Variants in KIAA1217 observed in about 807,000 individuals in gnomAD.
The protein encoded by KIAA1217 is sickle tail protein homolog.
A neutral mutation model predicts 163.9 loss-of-function variants in KIAA1217; 88 were observed. The observed-to-expected ratio is 0.54, with a 90% CI of 0.45 to 0.64. KIAA1217 has a LOEUF of 0.64. KIAA1217 is among the 30% of genes least tolerant of loss of function. KIAA1217 has a pLI of 0.00. For missense variants in KIAA1217, 2,372 were observed against 2,475.0 expected (o/e 0.96, Z 0.88); for synonymous variants, 903 against 923.1 (o/e 0.98, Z 0.39).
chr10:24,178,205 G>A (rs1376449701), intron 2 of KIAA1217, among the ~76,000 whole-genome samples: 58 of 152,148 alleles, frequency 3.8e-4, no homozygotes, highest in Non-Finnish European at 4.4e-5. Flanking sequence ...TAGGGATTTA[G>A]GAAAAGAAGA....
In KIAA1217 at chr10:24,119,884, G is replaced by A. The variant is rs896045931; in HGVS notation, c.-170-99742G>A. ...GATCTGTGCTTCCTACACATCCCAG[G>A]TCCCCTAAGTCACAAAAGCCATCAC... On this transcript the variant is annotated intron_variant, in intron 2 of 18. Transcript: ENST00000376462. Among the ~76,000 whole-genome samples, 7 of 152,102 alleles carry A rather than the reference G, an allele frequency of 4.6e-5. No individual in the cohort carries two copies. The East Asian group carries it at 1.2e-3, about 25-fold the overall frequency.
intron 1 of KIAA1217, among the ~76,000 whole-genome samples, chr10:23,945,086 A>C (rs981895293): frequency 6.6e-6 from 1 of 151,456 alleles, no homozygotes. Context: ...GGGTTTTAAC[A>C]TACATCTATC....
chr10:24,404,695 C>A (rs2057005706), intron 3 of KIAA1217, among the ~76,000 whole-genome samples: 1 of 150,160 alleles, frequency 6.7e-6, no homozygotes, highest in African/African-American at 2.4e-5. Flanking sequence ...ATGAATATTA[C>A]TAGCAGCTTT....
intron 1 of KIAA1217, among the ~76,000 whole-genome samples, chr10:23,858,220 G>T (rs1040249553): frequency 1.3e-5 from 2 of 152,030 alleles, no homozygotes; most frequent in Non-Finnish European, 2.9e-5. Flanking sequence ...CCTGAAAAAT[G>T]AGCTGGATGG....
At chr10:24,492,976 G>A (rs2066339383) in intron 6 of KIAA1217, among the ~76,000 whole-genome samples, 1 of 152,004 alleles carries the variant, frequency 6.6e-6, no homozygotes, top group Non-Finnish European at 1.5e-5. Flanking sequence ...CTCCCGAGTA[G>A]CTGGGATTAC....
At chr10:23,841,867 TTTTA>T (rs1212114818) in intron 1 of KIAA1217, among the ~76,000 whole-genome samples, 1 of 150,762 alleles carries the variant, frequency 6.6e-6, no homozygotes, top group African/African-American at 2.4e-5. Flanking sequence ...TTTTATTTTA[TTTTA>T]TTTTATTTTA....
At chr10:24,240,865 TTA>T (rs760989309) in intron 2 of KIAA1217, among the ~76,000 whole-genome samples, 3,627 of 149,944 alleles carry the variant, frequency 0.024, 111 homozygotes, top group African/African-American at 0.077. Flanking sequence ...CTTTTTTTTT[TTA>T]AAAAAAAAAG....
At chr10:24,081,841 AG>A (rs1252693194) in intron 2 of KIAA1217, among the ~76,000 whole-genome samples, 1 of 152,226 alleles carries the variant, frequency 6.6e-6, no homozygotes, top group Non-Finnish European at 1.5e-5. Context: ...CTAAAAGGAC[AG>A]AGCAAGAAAA....
chr10:23,835,360 G>A (rs906355533), intron 1 of KIAA1217, among the ~76,000 whole-genome samples: 3 of 151,864 alleles, frequency 2.0e-5, no homozygotes, highest in African/African-American at 7.3e-5. Flanking sequence ...CTCAAAAATG[G>A]AGTGATTTTT....
chr10:24,020,715 G>A (rs1847695172), intron 2 of KIAA1217, among the ~76,000 whole-genome samples: 2 of 151,890 alleles, frequency 1.3e-5, no homozygotes. Context: ...GAAGACACAG[G>A]GATGATCCCT....
chr10:24,266,359 G>A (rs1209455119), intron 2 of KIAA1217, among the ~76,000 whole-genome samples: 3 of 152,158 alleles, frequency 2.0e-5, no homozygotes, highest in East Asian at 1.9e-4. Flanking sequence ...AATTACAGGC[G>A]TGAGCCACCA....
chr10:23,715,906 A>G (rs923982703), intron 1 of KIAA1217, among the ~76,000 whole-genome samples: 4 of 152,200 alleles, frequency 2.6e-5, no homozygotes, highest in Admixed American at 2.0e-4. Flanking sequence ...TCTTTAAAAA[A>G]GAAATAGTTT....
chr10:24,041,574 C>T lies in KIAA1217; in HGVS notation c.-171+34200C>T, dbSNP rs190446812. ...CATCCCATAACACATCACACAGACA[C>T]ACAATTGCCCATTTTATCAGTTAGT... On this transcript the variant is annotated intron_variant, in intron 2 of 18. Transcript: ENST00000376462. Among the ~76,000 whole-genome samples, 232 of 152,228 alleles carry T rather than the reference C, an allele frequency of 1.5e-3. 1 individual carries two copies. Among genetic ancestry groups the T allele is most frequent in the African/African-American group, 5.4e-3 (226 of 41,540 alleles).
At chr10:24,064,394 A>G (rs1243045368) in intron 2 of KIAA1217, among the ~76,000 whole-genome samples, 1 of 152,190 alleles carries the variant, frequency 6.6e-6, no homozygotes, top group African/African-American at 2.4e-5. Context: ...ATCTGTTGAG[A>G]TAATCATGTG....
At chr10:24,301,783 G>A (rs1193556524) in intron 2 of KIAA1217, among the ~76,000 whole-genome samples, 1 of 152,160 alleles carries the variant, frequency 6.6e-6, no homozygotes, top group Non-Finnish European at 1.5e-5. Context: ...AGTGGCTCAT[G>A]CCTAAAATCC....
upstream of KIAA1217, among the ~76,000 whole-genome samples, chr10:24,207,635 G>A (rs544266726): frequency 1.2e-4 from 18 of 152,290 alleles, no homozygotes; most frequent in East Asian, 2.5e-3. Context: ...TCAGGCTGCC[G>A]AGGCACTGCT....
At chr10:23,944,952 T>G (rs1052368014) in intron 1 of KIAA1217, among the ~76,000 whole-genome samples, 5 of 150,680 alleles carry the variant, frequency 3.3e-5, no homozygotes, top group Non-Finnish European at 7.4e-5. Context: ...CCAGCTGCTC[T>G]GGAGGCTGAG....
At chr10:23,900,565 T>C (rs975760448) in intron 1 of KIAA1217, among the ~76,000 whole-genome samples, 2 of 152,138 alleles carry the variant, frequency 1.3e-5, no homozygotes, top group Non-Finnish European at 2.9e-5. Context: ...TCACAAAAAG[T>C]ATATTATTCA....
In KIAA1217 at chr10:23,717,286, C is replaced by G. The variant is rs370302728; in HGVS notation, c.-321+22052C>G. 6.1e-4 allele frequency among the ~76,000 whole-genome samples: 92 copies of G among 151,146 alleles called. 1 individual carries two copies. The highest frequency in any genetic ancestry group is 1.8e-3 in the African/African-American group (73 of 41,232). ...TCCGCTTTTAGATTTTTTTTTTGCT[C>G]TGAATTAAGCTCATAGCGGGACTTA... On this transcript the variant is annotated intron_variant, in intron 1 of 18. Coordinates refer to the KIAA1217 transcript ENST00000376462.
Sources: gnomAD v4.1 joint callset for allele counts (sites outside exome capture counted in the v4.1 genomes callset) on GRCh38, gnomAD v4.1.1 for gene constraint, MANE v1.5 for transcripts, NCBI Gene and HGNC (gene_info 2026-07-23, HGNC 2026-07-21) for gene names.